RUVBL1: variants seen among roughly 807,000 people sequenced by gnomAD.
The protein encoded by RUVBL1 is RuvB like AAA ATPase 1.
Under a neutral mutation model 52.4 loss-of-function variants are expected in RUVBL1, and 4 were observed. That is an observed-to-expected ratio of 0.08 (90% CI 0.04 to 0.17). The LOEUF is 0.17. Ranked by LOEUF, RUVBL1 falls within the 10% of genes least tolerant of loss-of-function variation. RUVBL1 has a pLI of 1.00. For synonymous variants in RUVBL1, 217 were observed against 214.4 expected, an observed-to-expected ratio of 1.01 and a Z score of -0.10; for missense variants, 298 against 572.8, an observed-to-expected ratio of 0.52 and a Z score of 4.90.
chr3:128,100,852 A>G (rs1943093890), intron 5 of RUVBL1, 108 bp from the exon 6 acceptor site: 1 of 1,295,528 alleles, frequency 7.7e-7, no homozygotes, highest in Non-Finnish European at 1.1e-6. Context: ...CAGGCCTGAC[A>G]GCCTACTTGA....
intron 1 of RUVBL1, among the ~76,000 whole-genome samples, chr3:128,150,839 C>CTATATATATTCTATATATTATATATTATA (rs1559841467): frequency 4.5e-5 from 3 of 66,064 alleles, no homozygotes; most frequent in South Asian, 4.7e-4. Flanking sequence ...ATTATATATT[C>CTATATATATTCTATATATTATATATTATA]TATATATATT....
intron 1 of RUVBL1, among the ~76,000 whole-genome samples, chr3:128,149,576 AAAAG>A (rs1366840917): frequency 6.6e-6 from 1 of 152,382 alleles, no homozygotes; most frequent in Admixed American, 6.5e-5. Flanking sequence ...TACAATATAG[AAAAG>A]AAATACTTGG....
Position 128,119,439 on chromosome 3 carries a change from A to C in RUVBL1, c.142-25T>G, listed in dbSNP as rs183505258. 485 of 1,568,480 alleles carry C rather than the reference A, an allele frequency of 3.1e-4. 2 individuals carry two copies. The African/African-American group carries it at 5.6e-3, about 18-fold the overall frequency. On this transcript the variant is annotated intron_variant, in intron 1 of 10. Transcript: ENST00000322623. ...CCTACACACCACAATGGAAAGAAATAATAAATCAATATTAAAATGTTTCAC... is the reference window on the plus strand; with the variant it reads ...CCTACACACCACAATGGAAAGAAATCATAAATCAATATTAAAATGTTTCAC...
chr3:128,069,738 G>A (rs1000764286), intron 9 of RUVBL1: 3 of 1,227,018 alleles, frequency 2.4e-6, no homozygotes, highest in Non-Finnish European at 3.5e-6. Context: ...GGCGCGTGCT[G>A]CTGCGGCATA....
chr3:128,152,721 G>A (rs968828654), intron 1 of RUVBL1, among the ~76,000 whole-genome samples: 2 of 152,112 alleles, frequency 1.3e-5, no homozygotes, highest in South Asian at 4.1e-4. Context: ...TGGAGCCGCG[G>A]ACCTTCGCAG....
In RUVBL1 at chr3:128,114,357, G is replaced by A. The variant is rs139093154; in HGVS notation, c.229-1337C>T. On this transcript the variant is annotated intron_variant, in intron 2 of 10. Transcript: ENST00000322623. The stretch of plus-strand genomic sequence containing the variant: ...CCCTTTTGGTGATAGTTTTGAGGTA[G>A]TAAAATCTGGTAGAGAATCAGTGTA... Among the ~76,000 whole-genome samples, 518 of 152,322 alleles carry A rather than the reference G, an allele frequency of 3.4e-3. 1 individual carries two copies. The highest frequency in any genetic ancestry group is 0.012 in the African/African-American group (480 of 41,568).
chr3:128,111,904 A>G (rs1227707539), intron 3 of RUVBL1, among the ~76,000 whole-genome samples: 1 of 152,238 alleles, frequency 6.6e-6, no homozygotes, highest in Non-Finnish European at 1.5e-5. Flanking sequence ...CCCACGACTC[A>G]GCAGGCAAAT....
intron 1 of RUVBL1, chr3:128,153,056 C>T: frequency 4.7e-6 from 1 of 210,662 alleles, no homozygotes; most frequent in Non-Finnish European, 7.3e-6. Flanking sequence ...GCCCTTTTTT[C>T]AATCCTCCCT....
At chr3:128,148,545 G>T in intron 1 of RUVBL1, among the ~76,000 whole-genome samples, 1 of 152,076 alleles carries the variant, frequency 6.6e-6, no homozygotes, top group Non-Finnish European at 1.5e-5. Flanking sequence ...TTAGGAGGGG[G>T]AGGCTCCTGG....
chr3:128,100,202 T>C (rs1258370504), intron 6 of RUVBL1, among the ~76,000 whole-genome samples: 1 of 152,200 alleles, frequency 6.6e-6, no homozygotes, highest in Non-Finnish European at 1.5e-5. Flanking sequence ...CTGTGGCTTT[T>C]GCTAAGCAGG....
downstream of RUVBL1, among the ~76,000 whole-genome samples, chr3:128,080,536 G>A (rs922160336): frequency 7.2e-5 from 11 of 152,162 alleles, no homozygotes; most frequent in Non-Finnish European, 1.3e-4. Flanking sequence ...CACATGATAC[G>A]ATGTGATCAG....
intron 3 of RUVBL1, among the ~76,000 whole-genome samples, chr3:128,106,282 T>G (rs1943233150): frequency 6.6e-6 from 1 of 152,222 alleles, no homozygotes. Flanking sequence ...ATTCTAAACA[T>G]CATCCACATT....
intron 9 of RUVBL1, among the ~76,000 whole-genome samples, chr3:128,066,432 G>T (rs1350161692): frequency 6.6e-6 from 1 of 151,722 alleles, no homozygotes; most frequent in Non-Finnish European, 1.5e-5. Context: ...TCCATGTTTT[G>T]TTTTGTGTGA....
chr3:128,090,230 A>C lies in RUVBL1; in HGVS notation c.1017-2422T>G, dbSNP rs1049013884. Among the ~76,000 whole-genome samples, 3 of 152,338 alleles carry C rather than the reference A, an allele frequency of 2.0e-5. No individual in the cohort carries two copies. The East Asian group carries it at 5.8e-4, about 29-fold the overall frequency. On this transcript the variant is annotated intron_variant, in intron 8 of 10. Transcript: ENST00000322623. ...GCTACATTAATGAATTGTTAAATCTAATGTAAAAAAATTAAAATCAGCCGG... is the reference window on the plus strand; with the variant it reads ...GCTACATTAATGAATTGTTAAATCTCATGTAAAAAAATTAAAATCAGCCGG...
At chr3:128,069,699 A>G in intron 9 of RUVBL1, 1 of 1,594,570 alleles carries the variant, frequency 6.3e-7, no homozygotes, top group Non-Finnish European at 8.6e-7. Context: ...GCTGCTCCAG[A>G]AGCGCCTCGG....
chr3:128,153,339 C>A, exon 1 of RUVBL1: 1 of 1,375,250 alleles, frequency 7.3e-7, no homozygotes, highest in Non-Finnish European at 9.3e-7. Flanking sequence ...CCACTCGGAG[C>A]ACGGCGCTCG....
At chr3:128,066,617 T>G in intron 9 of RUVBL1, 1 of 297,834 alleles carries the variant, frequency 3.4e-6, no homozygotes, top group Non-Finnish European at 6.3e-6. Flanking sequence ...AGAGACGGAG[T>G]CTGACTGTGT....
Position 128,090,891 on chromosome 3 carries a change from C to G in RUVBL1, c.1017-3083G>C, listed in dbSNP as rs1195586316. Among the ~76,000 whole-genome samples the G allele has an allele frequency of 2.6e-5, 4 of 152,040 alleles. No homozygotes were observed. The East Asian group carries it at 7.7e-4, about 29-fold the overall frequency. On this transcript the variant is annotated intron_variant, in intron 8 of 10. Transcript: ENST00000322623. The stretch of plus-strand genomic sequence containing the variant: ...CAAAAATATCCAAAATTCTACACCA[C>G]CCATGATAAATCACAACAAACATAA...
chr3:128,151,035 T>G (rs1355659425), intron 1 of RUVBL1, among the ~76,000 whole-genome samples: 1 of 100,600 alleles, frequency 9.9e-6, no homozygotes, highest in Non-Finnish European at 1.8e-5. Flanking sequence ...ATATATATTC[T>G]ATATTCTATA....
Sources: allele counts gnomAD v4.1 joint callset (sites outside exome capture counted in the v4.1 genomes callset), GRCh38; gene constraint gnomAD v4.1.1; transcripts MANE v1.5; gene names NCBI Gene and HGNC (gene_info 2026-07-23, HGNC 2026-07-21).